ZNF592: variants seen among roughly 807,000 people sequenced by gnomAD.
ZNF592 encodes the protein spinocerebellar ataxia, autosomal recessive 5.
ZNF592 carries 11 observed loss-of-function variants against 80.3 expected under a neutral mutation model. The ratio of observed to expected loss-of-function variants is 0.14; its 90% CI spans 0.09 to 0.23. The LOEUF is 0.23. Among genes scored for constraint, ZNF592 ranks in the 10% least tolerant of loss-of-function variants. The probability of loss-of-function intolerance (pLI) is 1.00; values close to 1 mark genes in which losing one functional copy is unlikely to be tolerated. For synonymous variants in ZNF592, 646 were observed against 640.3 expected, an observed-to-expected ratio of 1.01 and a Z score of -0.13; for missense variants, 1,420 against 1,633.9, an observed-to-expected ratio of 0.87 and a Z score of 2.26.
chr15:84,775,441 T>G (rs1333890271), intron 2 of ZNF592, among the ~76,000 whole-genome samples: 1 of 151,318 alleles, frequency 6.6e-6, no homozygotes, highest in African/African-American at 2.4e-5. Flanking sequence ...TTGTTCTGTT[T>G]TGTTTTTTTG....
chr15:84,787,496 G>A (rs1024797437), intron 4 of ZNF592, among the ~76,000 whole-genome samples: 4 of 152,216 alleles, frequency 2.6e-5, no homozygotes, highest in Non-Finnish European at 4.4e-5. Flanking sequence ...CAGGGCAGGG[G>A]GTGGACAGAT....
intron 3 of ZNF592, among the ~76,000 whole-genome samples, chr15:84,779,191 TTTG>T (rs1596120547): frequency 6.6e-6 from 1 of 152,346 alleles, no homozygotes; most frequent in East Asian, 1.9e-4. Flanking sequence ...TTCCTTTTGA[TTTG>T]TTGTTTGCCT....
At position 84,798,999 on chromosome 15, in the gene ZNF592, G is replaced by A. The variant is rs1184150420; in HGVS notation, c.3025-99G>A. Reference sequence around the variant, plus strand: ...GGTACCACAGATCTTGAGGTCTTCGGGAGTATCCTCCTTTCTGCCCATGGC... The same window carrying A: ...GGTACCACAGATCTTGAGGTCTTCGAGAGTATCCTCCTTTCTGCCCATGGC... On this transcript the variant is annotated intron_variant, in intron 8 of 10. Transcript: ENST00000560079. This position sits in a 1 kb window ranked among gnomAD's most constrained non-coding sequence, Gnocchi z 4.5. The A allele has an allele frequency of 6.3e-7, 1 of 1,590,036 alleles. No homozygotes were observed. The highest frequency in any genetic ancestry group is 8.6e-7 in the Non-Finnish European group (1 of 1,159,406).
At chr15:84,749,047 A>C (rs1898934432) in intron 1 of ZNF592, among the ~76,000 whole-genome samples, 1 of 152,062 alleles carries the variant, frequency 6.6e-6, no homozygotes, top group South Asian at 2.1e-4. Context: ...TCCCTCTGGG[A>C]CGGCCTGTCA....
rs746252249 is a variant in ZNF592 at position 84,784,836 on chromosome 15, C to T, written c.2161C>T (p.Arg721Trp). The T allele has an allele frequency of 2.5e-6, 4 of 1,614,068 alleles. No homozygotes were observed. Among genetic ancestry groups the T allele is most frequent in the African/African-American group, 1.3e-5 (1 of 74,986 alleles). Residue 721 changes from arginine to tryptophan, a missense_variant, in exon 4 of 11, where the codon CGG becomes TGG. This residue lies in a region of ZNF592 where 524 missense variants were observed against 628.3 expected (regional missense o/e 0.83). Coordinates refer to ENST00000560079, the MANE Select transcript of ZNF592 (RefSeq NM_014630.3). This position sits in a 1 kb window ranked among gnomAD's most constrained non-coding sequence, Gnocchi z 5.8. Reference sequence around the variant, plus strand: ...GTGTCTTGAATGTCACAAGCAGATGCGGGACTACATGGTCCTGGCTGCACA... The same window carrying T: ...GTGTCTTGAATGTCACAAGCAGATGTGGGACTACATGGTCCTGGCTGCACA... Reference protein sequence around the residue: ...IKCLECHKQMRDYMVLAAHFQ... With the variant: ...IKCLECHKQMWDYMVLAAHFQ...
chr15:84,771,969 A>G (rs532054048), intron 2 of ZNF592, among the ~76,000 whole-genome samples: 5 of 152,304 alleles, frequency 3.3e-5, no homozygotes, highest in Non-Finnish European at 7.3e-5. Flanking sequence ...GTTGCAGCCT[A>G]ACCTGTTCAA....
chr15:84,772,605 A>G (rs563611800), intron 2 of ZNF592, among the ~76,000 whole-genome samples: 1 of 152,308 alleles, frequency 6.6e-6, no homozygotes, highest in East Asian at 1.9e-4. Flanking sequence ...ATGCAACACA[A>G]ATGATATCAG....
rs1963036313 is a variant in ZNF592, at chr15:84,799,718, G to A, written c.3138-124G>A. The A allele has an allele frequency of 3.1e-5, 45 of 1,465,948 alleles. No homozygotes were observed. The highest frequency in any genetic ancestry group is 4.4e-4 in the Middle Eastern group (2 of 4,574). 90.8% of individuals were successfully genotyped at this position (1,465,948 alleles called of 1,614,324 possible). On this transcript the variant is annotated intron_variant, in intron 9 of 10. Coordinates refer to ENST00000560079, the MANE Select transcript of ZNF592 (RefSeq NM_014630.3). This position sits in a 1 kb window ranked among gnomAD's most constrained non-coding sequence, Gnocchi z 4.2. ...GGCCTGCTGGCTGGATCTCTCTGGG[G>A]TTCCCAGCACTAGCCAGCCCAGGAG...
chr15:84,753,175 A>G (rs1438109802), intron 1 of ZNF592: 1 of 152,226 alleles, frequency 6.6e-6, no homozygotes, highest in Non-Finnish European at 1.5e-5. Context: ...GGGACGAGTA[A>G]TAGAAATAAA....
At chr15:84,753,120 C>G (rs891758281) in intron 1 of ZNF592, 1 of 152,100 alleles carries the variant, frequency 6.6e-6, no homozygotes, top group Non-Finnish European at 1.5e-5. Context: ...ATGAATAATT[C>G]TGTATTGTTT....
chr15:84,759,643 T>A (rs1388208754), intron 1 of ZNF592, among the ~76,000 whole-genome samples: 1 of 152,052 alleles, frequency 6.6e-6, no homozygotes, highest in Non-Finnish European at 1.5e-5. Flanking sequence ...CACCAAACAG[T>A]AGGTTTAATT....
intron 4 of ZNF592, among the ~76,000 whole-genome samples, chr15:84,786,260 A>G (rs1192087571): frequency 2.0e-5 from 3 of 152,194 alleles, no homozygotes; most frequent in African/African-American, 4.8e-5. Flanking sequence ...TATATGGCCA[A>G]CTGAGAGTGG....
At chr15:84,796,221 C>CAAA (rs753718341) in intron 5 of ZNF592, among the ~76,000 whole-genome samples, 5 of 25,418 alleles carry the variant, frequency 2.0e-4, no homozygotes, top group South Asian at 1.4e-3. Flanking sequence ...GACTCTGTCT[C>CAAA]AAAAAAAAAA....
chr15:84,794,783 C>G (rs575141890), intron 5 of ZNF592, among the ~76,000 whole-genome samples: 1 of 152,070 alleles, frequency 6.6e-6, no homozygotes, highest in East Asian at 1.9e-4. Flanking sequence ...GGCCTGGACT[C>G]CATCTTCTTT....
chr15:84,774,384 A>T (rs773346918), intron 2 of ZNF592, among the ~76,000 whole-genome samples: 3 of 152,230 alleles, frequency 2.0e-5, no homozygotes, highest in Non-Finnish European at 4.4e-5. Context: ...ATAATTATGA[A>T]GACTTCCTTT....
intron 1 of ZNF592, among the ~76,000 whole-genome samples, chr15:84,759,130 A>T (rs1011775957): frequency 6.6e-6 from 1 of 152,148 alleles, no homozygotes; most frequent in African/African-American, 2.4e-5. Context: ...GTTGCTTATA[A>T]AAGCAACTGT....
At position 84,784,032 on chromosome 15, in the gene ZNF592, A is replaced by G. The variant is rs940707894; in HGVS notation, c.1357A>G (p.Thr453Ala). Residue 453 changes from threonine (T) to alanine (A), a missense_variant, in exon 4 of 11, where the codon ACA (threonine) becomes GCA (alanine). Coordinates refer to ENST00000560079, the MANE Select transcript of ZNF592 (RefSeq NM_014630.3). The surrounding 1 kb of genome is among the most constrained non-coding windows in gnomAD (Gnocchi z 5.8). ...GGCCAGGAAAGGGGACGAGAGCATG[A>G]CAAAGGCCAGTGACTCGTCATCTCC... ...QGARKGDESM[T>A]KASDSSSPSC... 6.2e-7 allele frequency: 1 copy of G among 1,612,296 alleles called. No individual in the cohort carries two copies. The highest frequency in any genetic ancestry group is 8.5e-7 in the Non-Finnish European group (1 of 1,178,532).
At position 84,799,893 on chromosome 15, in the gene ZNF592, C is replaced by A. The variant is rs1355094533; in HGVS notation, c.3189C>A (p.Ser1063Arg). 3 of 1,614,110 alleles carry A rather than the reference C, an allele frequency of 1.9e-6. No homozygotes were observed. The highest frequency in any genetic ancestry group is 2.5e-6 in the Non-Finnish European group (3 of 1,180,042). ...TTCCTCGGCCCTCCCTTCTGGAGAG[C>A]CACATCAGCCTTATGCATGGCATCA... ...PSFPRPSLLE[S>R]HISLMHGIRN... The change falls in exon 10 of 11, where the codon AGC becomes AGA. Residue 1063 changes from serine to arginine, a missense_variant. Physicochemically the swap from Ser to Arg is moderately radical, Grantham distance 110. This residue lies in a region of ZNF592 where 331 missense variants were observed against 347.0 expected (regional missense o/e 0.95). Transcript: ENST00000560079. The surrounding 1 kb of genome is among the most constrained non-coding windows in gnomAD (Gnocchi z 4.2).
chr15:84,761,848 C>T (rs1013786752), intron 1 of ZNF592, among the ~76,000 whole-genome samples: 2 of 152,120 alleles, frequency 1.3e-5, no homozygotes, highest in Admixed American at 6.6e-5. Flanking sequence ...TTTCTGTTTC[C>T]GTATGTTTAT....
Sources: allele counts gnomAD v4.1 joint callset (sites outside exome capture counted in the v4.1 genomes callset), GRCh38; gene constraint gnomAD v4.1.1; regional missense constraint gnomAD v4.1.1; non-coding constraint Gnocchi (gnomAD v3.1); transcripts MANE v1.5; gene names NCBI Gene and HGNC (gene_info 2026-07-23, HGNC 2026-07-21).